The following UVRAG variants were observed in gnomAD, a reference collection of about 807,000 sequenced individuals.
UVRAG encodes UV radiation resistance associated.
A neutral mutation model predicts 78.0 loss-of-function variants in UVRAG; 19 were observed. The ratio of observed to expected loss-of-function variants is 0.24; its 90% CI spans 0.17 to 0.36. The LOEUF is 0.36. Among genes scored for constraint, UVRAG ranks in the 10% least tolerant of loss-of-function variants. The pLI is 1.00. For missense variants in UVRAG, 740 were observed against 853.8 expected (o/e 0.87, Z 1.66); for synonymous variants, 323 against 324.6 (o/e 1.00, Z 0.05).
intron 3 of UVRAG, among the ~76,000 whole-genome samples, chr11:75,878,127 T>G (rs1403828196): frequency 1.6e-5 from 2 of 124,600 alleles, no homozygotes; most frequent in Non-Finnish European, 3.3e-5. Context: ...GGGCGGAGGG[T>G]CTCCTCCCTT....
chr11:75,979,265 A>G lies in UVRAG; in HGVS notation c.700-4122A>G, dbSNP rs138536866. On this transcript the variant is annotated intron_variant, in intron 7 of 14. Coordinates refer to ENST00000356136, the MANE Select transcript of UVRAG (RefSeq NM_003369.4). Reference sequence around the variant, plus strand: ...TCGTGTCAGAGGGGCACCTGGCCGTATGAGGTGTCAGTCGGCCCCTGCTGG... The same window carrying G: ...TCGTGTCAGAGGGGCACCTGGCCGTGTGAGGTGTCAGTCGGCCCCTGCTGG... Among the ~76,000 whole-genome samples the G allele has an allele frequency of 8.3e-3, 1,265 of 152,296 alleles. 9 individuals carry two copies. The highest frequency in any genetic ancestry group is 0.01 in the Non-Finnish European group (710 of 68,024).
intron 3 of UVRAG, among the ~76,000 whole-genome samples, chr11:75,867,538 C>T (rs1946563454): frequency 6.6e-6 from 1 of 152,112 alleles, no homozygotes; most frequent in African/African-American, 2.4e-5. Context: ...TGTGGATAGG[C>T]ATTTGGTTAG....
chr11:76,030,239 A>C (rs572125675), intron 12 of UVRAG, among the ~76,000 whole-genome samples: 1 of 152,000 alleles, frequency 6.6e-6, no homozygotes, highest in African/African-American at 2.4e-5. Context: ...CGCTATGTTG[A>C]CCAGGCTGAT....
intron 6 of UVRAG, among the ~76,000 whole-genome samples, chr11:75,918,386 A>C (rs1181271917): frequency 2.0e-5 from 3 of 151,876 alleles, no homozygotes; most frequent in Non-Finnish European, 4.4e-5. Flanking sequence ...TCAGAAAAAA[A>C]AAAAAAAAAG....
chr11:76,138,558 C>G (rs1051348559), intron 14 of UVRAG, among the ~76,000 whole-genome samples: 1 of 152,252 alleles, frequency 6.6e-6, no homozygotes, highest in African/African-American at 2.4e-5. Flanking sequence ...GCGGCAAGCA[C>G]TGCTGGGTGT....
intron 3 of UVRAG, among the ~76,000 whole-genome samples, chr11:75,878,706 T>C (rs546932029): frequency 1.3e-5 from 2 of 152,076 alleles, no homozygotes; most frequent in African/African-American, 4.8e-5. Context: ...CAAAAAAATA[T>C]GAAAACCAGT....
intron 11 of UVRAG, among the ~76,000 whole-genome samples, chr11:76,014,608 A>G (rs1334512265): frequency 6.6e-6 from 1 of 152,218 alleles, no homozygotes; most frequent in Non-Finnish European, 1.5e-5. Context: ...TCACAGTTAC[A>G]GCTGTGACTC....
intron 1 of UVRAG, among the ~76,000 whole-genome samples, chr11:75,832,919 G>C (rs966956624): frequency 6.6e-6 from 1 of 152,092 alleles, no homozygotes; most frequent in South Asian, 2.1e-4. Context: ...CCTATACCAA[G>C]GGTTTTAGGA....
At chr11:76,005,247 G>A (rs564642917) in intron 9 of UVRAG, among the ~76,000 whole-genome samples, 1 of 152,284 alleles carries the variant, frequency 6.6e-6, no homozygotes, top group African/African-American at 2.4e-5. Flanking sequence ...GGAGGCTGAG[G>A]CAGGAGAATG....
chr11:75,848,823 CCTT>C (rs1946090077), intron 1 of UVRAG, among the ~76,000 whole-genome samples: 1 of 152,166 alleles, frequency 6.6e-6, no homozygotes, highest in Admixed American at 6.5e-5. Flanking sequence ...TGCATTCTTT[CCTT>C]CTTTTGAGAT....
intron 6 of UVRAG, among the ~76,000 whole-genome samples, chr11:75,956,505 C>T (rs748066903): frequency 1.3e-5 from 2 of 151,990 alleles, no homozygotes; most frequent in Admixed American, 6.5e-5. Context: ...CTTGCCTCAG[C>T]CTCCCAAGTA....
intron 12 of UVRAG, among the ~76,000 whole-genome samples, chr11:76,017,707 C>G (rs561288875): frequency 1.3e-5 from 2 of 151,998 alleles, no homozygotes; most frequent in Non-Finnish European, 2.9e-5. Flanking sequence ...CTCAATGGAA[C>G]AATGGAAGCC....
At chr11:75,884,767 A>G (rs1443149827) in intron 4 of UVRAG, among the ~76,000 whole-genome samples, 3 of 152,124 alleles carry the variant, frequency 2.0e-5, no homozygotes, top group Non-Finnish European at 4.4e-5. Context: ...CTTAATGCCA[A>G]TACCAAATTG....
chr11:75,951,526 G>C (rs562487350), intron 6 of UVRAG, among the ~76,000 whole-genome samples: 5 of 152,194 alleles, frequency 3.3e-5, no homozygotes, highest in African/African-American at 1.2e-4. Flanking sequence ...GGGATTACAG[G>C]CATGTGCCAT....
intron 8 of UVRAG, chr11:75,983,718 TAAA>T: frequency 1.6e-6 from 1 of 610,058 alleles, no homozygotes; most frequent in South Asian, 3.5e-5. Context: ...TCAGATGGTA[TAAA>T]CTACTACTAC....
At chr11:75,918,727 T>C (rs11820368) in intron 6 of UVRAG, among the ~76,000 whole-genome samples, 10,184 of 152,258 alleles carry the variant, frequency 0.067, 483 homozygotes, top group African/African-American at 0.14. Context: ...ATATATATGT[T>C]AAACAGATAA....
chr11:75,847,465 C>T (rs1440420119), intron 1 of UVRAG, among the ~76,000 whole-genome samples: 1 of 151,414 alleles, frequency 6.6e-6, no homozygotes, highest in Non-Finnish European at 1.5e-5. Context: ...GATAGGGTCT[C>T]ACTATGTTGT....
At chr11:75,981,764 A>G (rs971505778) in intron 7 of UVRAG, among the ~76,000 whole-genome samples, 16 of 152,002 alleles carry the variant, frequency 1.1e-4, no homozygotes, top group Non-Finnish European at 2.1e-4. Context: ...CTCTCTTGCT[A>G]AAATTGGTAG....
chr11:75,815,235 C>G lies in UVRAG; in HGVS notation c.-173C>G, dbSNP rs1945230715. 2.2e-6 allele frequency: 1 copy of G among 446,454 alleles called. No individual in the cohort carries two copies. 27.7% of individuals were successfully genotyped at this position (446,454 alleles called of 1,614,324 possible). On this transcript the variant is annotated 5_prime_UTR_variant, in exon 1 of 15. Transcript: ENST00000356136. ...GGTAATATGGCTCTTCCTTAGCCAG[C>G]GGCGGCAACGGCGGCAGCGGCGGCA...
Sources: allele counts gnomAD v4.1 joint callset (sites outside exome capture counted in the v4.1 genomes callset), GRCh38; gene constraint gnomAD v4.1.1; transcripts MANE v1.5; gene names NCBI Gene and HGNC (gene_info 2026-07-23, HGNC 2026-07-21).